Variants in LHFPL3 observed in about 807,000 individuals in gnomAD.
The protein encoded by LHFPL3 is LHFPL tetraspan subfamily member 3 protein.
A neutral mutation model predicts 19.3 loss-of-function variants in LHFPL3; 5 were observed. That is an observed-to-expected ratio of 0.26 (90% CI 0.14 to 0.54). The LOEUF (loss-of-function observed/expected upper bound fraction) is 0.54, where lower values mean the gene tolerates loss of function less well. LHFPL3 is among the 20% of genes least tolerant of loss of function. The pLI is 0.94. For missense variants in LHFPL3, 249 were observed against 307.4 expected, an observed-to-expected ratio of 0.81 and a Z score of 1.42; for synonymous variants, 133 against 126.2, an observed-to-expected ratio of 1.05 and a Z score of -0.36.
At chr7:104,632,036 A>C (rs1791652042) in intron 1 of LHFPL3, among the ~76,000 whole-genome samples, 1 of 152,182 alleles carries the variant, frequency 6.6e-6, no homozygotes, top group South Asian at 2.1e-4. Context: ...GGGATGGGAC[A>C]GATTTCTTTG....
chr7:104,547,961 C>G (rs1768863345), intron 1 of LHFPL3, among the ~76,000 whole-genome samples: 1 of 152,142 alleles, frequency 6.6e-6, no homozygotes, highest in South Asian at 2.1e-4. Context: ...CAAGTTAGAT[C>G]TCACCTATTC....
At chr7:104,899,943 G>A (rs557620475) in intron 2 of LHFPL3, among the ~76,000 whole-genome samples, 6 of 152,282 alleles carry the variant, frequency 3.9e-5, no homozygotes, top group South Asian at 2.1e-4. Flanking sequence ...TGTTGGACAC[G>A]CTGGTTTCGA....
intron 1 of LHFPL3, among the ~76,000 whole-genome samples, chr7:104,627,393 A>T (rs1176234447): frequency 6.6e-6 from 1 of 152,120 alleles, no homozygotes; most frequent in Non-Finnish European, 1.5e-5. Context: ...GCTTAGGTTG[A>T]TTCTATACCT....
In LHFPL3 at chr7:104,558,603, C is replaced by T. The variant is rs1458252671; in HGVS notation, c.446-178072C>T. On this transcript the variant is annotated intron_variant, in intron 1 of 2. Transcript: ENST00000424859. ...AGCCCTTTGTCAGATAAGTAGGTTG[C>T]GAAAATTTTCTCCCGTTTTGTAGGT... Among the ~76,000 whole-genome samples the T allele has an allele frequency of 3.3e-3, 494 of 149,790 alleles. 4 individuals are homozygous for T. The highest frequency in any genetic ancestry group is 0.012 in the African/African-American group (466 of 39,420).
intron 1 of LHFPL3, among the ~76,000 whole-genome samples, chr7:104,401,815 G>A (rs573411199): frequency 9.9e-5 from 15 of 152,196 alleles, no homozygotes; most frequent in African/African-American, 2.9e-4. Flanking sequence ...ATGTTTGAGC[G>A]GCTCAGCCGT....
chr7:104,547,239 T>A, intron 1 of LHFPL3, among the ~76,000 whole-genome samples: 1 of 2,550 alleles, frequency 3.9e-4, no homozygotes, highest in South Asian at 0.083. Context: ...CGAGACTCCG[T>A]CTCAAAAAAA....
chr7:104,770,654 C>T (rs1794534757), intron 2 of LHFPL3, among the ~76,000 whole-genome samples: 1 of 152,324 alleles, frequency 6.6e-6, no homozygotes, highest in Non-Finnish European at 1.5e-5. Flanking sequence ...CTCCCACACC[C>T]ATTGTGGACA....
chr7:104,649,176 C>A (rs111747342), intron 1 of LHFPL3, among the ~76,000 whole-genome samples: 2 of 152,182 alleles, frequency 1.3e-5, no homozygotes, highest in Non-Finnish European at 1.5e-5. Context: ...ATTGGAAGAG[C>A]AGGGAAAGGC....
chr7:104,902,346 T>C (rs1228799628), intron 2 of LHFPL3, among the ~76,000 whole-genome samples: 2 of 151,362 alleles, frequency 1.3e-5, no homozygotes, highest in East Asian at 3.9e-4. Flanking sequence ...ATTGTGCCGC[T>C]GTAGTCAAGA....
In LHFPL3 at chr7:104,361,999, A is replaced by T. The variant is rs547872834; in HGVS notation, c.445+32775A>T. Among the ~76,000 whole-genome samples, 5 of 152,366 alleles carry T rather than the reference A, an allele frequency of 3.3e-5. No homozygotes were observed. The East Asian group carries it at 9.6e-4, about 29-fold the overall frequency. ...CACCTGACCAACACTGAGGTTCTCCAGGAACTAGGGGATGTGAATGTGTGA... is the reference window on the plus strand; with the variant it reads ...CACCTGACCAACACTGAGGTTCTCCTGGAACTAGGGGATGTGAATGTGTGA... On this transcript the variant is annotated intron_variant, in intron 1 of 2. Transcript: ENST00000424859.
chr7:104,352,975 G>A (rs1225749305), intron 1 of LHFPL3, among the ~76,000 whole-genome samples: 15 of 152,314 alleles, frequency 9.8e-5, no homozygotes, highest in Non-Finnish European at 1.8e-4. Context: ...GTTGGTGCCT[G>A]ATTTCAGTGG....
chr7:104,653,718 T>C (rs1792073981), intron 1 of LHFPL3, among the ~76,000 whole-genome samples: 1 of 152,210 alleles, frequency 6.6e-6, no homozygotes, highest in Non-Finnish European at 1.5e-5. Context: ...CAAATTTTCA[T>C]AGAACGCTTT....
In LHFPL3 at chr7:104,847,460, G is replaced by A. The variant is rs6953112; in HGVS notation, c.683-58727G>A. Among the ~76,000 whole-genome samples the A allele has an allele frequency of 9.8e-3, 1,490 of 152,228 alleles. 18 individuals carry two copies. The highest frequency in any genetic ancestry group is 0.033 in the African/African-American group (1,359 of 41,536). On this transcript the variant is annotated intron_variant, in intron 2 of 2. Transcript: ENST00000424859. Reference sequence around the variant, plus strand: ...AGTTATTAACCAAATATGCAATGTCGTTTTTTTAACAGAGCTTTCTCTTTC... The same window carrying A: ...AGTTATTAACCAAATATGCAATGTCATTTTTTTAACAGAGCTTTCTCTTTC...
chr7:104,765,470 G>A (rs867807695), intron 2 of LHFPL3, among the ~76,000 whole-genome samples: 18 of 152,266 alleles, frequency 1.2e-4, no homozygotes, highest in African/African-American at 3.9e-4. Flanking sequence ...TTTCTATTGG[G>A]GAGGGACAGT....
At chr7:104,477,988 T>C (rs1380620168) in intron 1 of LHFPL3, among the ~76,000 whole-genome samples, 2 of 152,216 alleles carry the variant, frequency 1.3e-5, no homozygotes, top group African/African-American at 2.4e-5. Context: ...GAATAATTGC[T>C]GAAATCCCCA....
In LHFPL3 at chr7:104,810,936, A is replaced by G. The variant is rs574195354; in HGVS notation, c.682+74025A>G. Among the ~76,000 whole-genome samples, 5 of 152,218 alleles carry G rather than the reference A, an allele frequency of 3.3e-5. No individual in the cohort carries two copies. The South Asian group carries it at 1.0e-3, about 32-fold the overall frequency. On this transcript the variant is annotated intron_variant, in intron 2 of 2. Coordinates refer to ENST00000424859, the MANE Select transcript of LHFPL3 (RefSeq NM_199000.3). ...CACATTTTATGGTTGTTGTCACTGT[A>G]GATGCCAAAATAAACTGGCAGCTCA...
chr7:104,882,444 C>T (rs1792075295), intron 2 of LHFPL3, among the ~76,000 whole-genome samples: 1 of 152,152 alleles, frequency 6.6e-6, no homozygotes, highest in African/African-American at 2.4e-5. Flanking sequence ...GACAAGGTTT[C>T]ATCATGTTGG....
In LHFPL3 at chr7:104,338,728, A is replaced by G. The variant is rs552949010; in HGVS notation, c.445+9504A>G. 6.2e-4 allele frequency among the ~76,000 whole-genome samples: 94 copies of G among 152,182 alleles called. 1 individual carries two copies. The highest frequency in any genetic ancestry group is 1.2e-3 in the Non-Finnish European group (84 of 68,010). On this transcript the variant is annotated intron_variant, in intron 1 of 2. Coordinates refer to ENST00000424859, the MANE Select transcript of LHFPL3 (RefSeq NM_199000.3). The stretch of plus-strand genomic sequence containing the variant: ...TTTTATTGCTAATGTATTATCCCCA[A>G]TTAAATTGTAGGTTGATTGAAAATT...
At chr7:104,764,635 T>G (rs555857807) in intron 2 of LHFPL3, among the ~76,000 whole-genome samples, 1 of 152,354 alleles carries the variant, frequency 6.6e-6, no homozygotes, top group South Asian at 2.1e-4. Context: ...TTATGGAAAC[T>G]GCGCCTTATA....
Sources: gnomAD v4.1 joint callset for allele counts (sites outside exome capture counted in the v4.1 genomes callset) on GRCh38, gnomAD v4.1.1 for gene constraint, MANE v1.5 for transcripts, NCBI Gene and HGNC (gene_info 2026-07-23, HGNC 2026-07-21) for gene names.